The following CDKAL1 variants were observed in gnomAD, a reference collection of about 807,000 sequenced individuals.
The protein encoded by CDKAL1 is threonylcarbamoyladenosine tRNA methylthiotransferase.
In CDKAL1, 32 loss-of-function variants were observed where a neutral mutation model predicts 68.2. That is an observed-to-expected ratio of 0.47 (90% confidence interval 0.35 to 0.63). CDKAL1 has a LOEUF of 0.63. Among genes scored for constraint, CDKAL1 ranks in the 30% least tolerant of loss-of-function variants. The pLI, the probability that CDKAL1 is intolerant of heterozygous loss-of-function variation, is 0.00. For missense variants in CDKAL1, 606 were observed against 696.7 expected, an observed-to-expected ratio of 0.87 and a Z score of 1.47; for synonymous variants, 234 against 244.3, an observed-to-expected ratio of 0.96 and a Z score of 0.39.
At chr6:21,026,823 T>C (rs1768984866) in intron 11 of CDKAL1, among the ~76,000 whole-genome samples, 1 of 152,212 alleles carries the variant, frequency 6.6e-6, no homozygotes, top group African/African-American at 2.4e-5. Context: ...CTTTATCTGT[T>C]ATTGGACATG....
chr6:20,637,329 G>A (rs1317935714), intron 4 of CDKAL1, among the ~76,000 whole-genome samples: 3 of 152,054 alleles, frequency 2.0e-5, no homozygotes, highest in Admixed American at 6.6e-5. Context: ...CTGGGAGGCC[G>A]AGGCGGGAGG....
intron 5 of CDKAL1, among the ~76,000 whole-genome samples, chr6:20,724,138 A>G (rs571531064): frequency 7.2e-4 from 110 of 152,150 alleles, no homozygotes; most frequent in African/African-American, 2.4e-3. Context: ...GTGTTTCACC[A>G]TGTTGGCCAG....
At chr6:21,210,404 G>A (rs1226418185) in intron 15 of CDKAL1, among the ~76,000 whole-genome samples, 1 of 152,132 alleles carries the variant, frequency 6.6e-6, no homozygotes, top group African/African-American at 2.4e-5. Flanking sequence ...TACTAATGAA[G>A]GCTCCAGAGA....
At position 20,955,441 on chromosome 6, in the gene CDKAL1, G is replaced by T; in HGVS notation, c.765G>T (p.Leu255Phe). ...SFQEGVCEIW[L>F]TSEDTGAYGR... ...CAGAGGGTGTTTGTGAGATATGGTT[G>T]ACCAGTGAAGACACGGGGGCTTATG... The change falls in exon 10 of 16, where the codon TTG becomes TTT. Residue 255 changes from leucine (L) to phenylalanine (F), a missense_variant. Coordinates refer to ENST00000274695, the MANE Select transcript of CDKAL1 (RefSeq NM_017774.3). 6.2e-7 allele frequency: 1 copy of T among 1,614,116 alleles called. No individual in the cohort carries two copies. Among genetic ancestry groups the T allele is most frequent in the Non-Finnish European group, 8.5e-7 (1 of 1,179,992 alleles).
chr6:20,699,719 T>A (rs1331006889), intron 5 of CDKAL1, among the ~76,000 whole-genome samples: 6 of 152,170 alleles, frequency 3.9e-5, no homozygotes, highest in Non-Finnish European at 8.8e-5. Flanking sequence ...GAGCTCTCAA[T>A]CTCTGCATGG....
In CDKAL1 at chr6:20,942,953, CA is replaced by C. The variant is rs70990084; in HGVS notation, c.743-12450del. On this transcript the variant is annotated intron_variant, in intron 9 of 15. Transcript: ENST00000274695. ...CTGGTGACAGAGCAAGATTCTGTCT[CA>C]AAAAAAAAAAAAAAAGATTAAAAAT... Among the ~76,000 whole-genome samples the C allele has an allele frequency of 1.0e-3, 115 of 113,292 alleles. 1 individual carries two copies. Among genetic ancestry groups the C allele is most frequent in the South Asian group, 8.1e-3 (26 of 3,228 alleles). 74.3% of individuals were successfully genotyped at this position (113,292 alleles called of 152,430 possible).
At chr6:21,093,714 T>A (rs71535532) in intron 12 of CDKAL1, among the ~76,000 whole-genome samples, 6 of 117,630 alleles carry the variant, frequency 5.1e-5, no homozygotes, top group South Asian at 2.8e-4. Flanking sequence ...TTTTTTTTTT[T>A]TTTTTTTTTT....
At chr6:20,560,823 T>A (rs1764236677) in intron 4 of CDKAL1, among the ~76,000 whole-genome samples, 1 of 152,210 alleles carries the variant, frequency 6.6e-6, no homozygotes, top group African/African-American at 2.4e-5. Flanking sequence ...TTTGAGTTTC[T>A]AAGGACTTTT....
At chr6:20,610,040 G>C (rs1219143214) in intron 4 of CDKAL1, among the ~76,000 whole-genome samples, 2 of 152,028 alleles carry the variant, frequency 1.3e-5, no homozygotes, top group African/African-American at 4.8e-5. Context: ...TTGGTTTTCT[G>C]TTCCTGTGTC....
intron 9 of CDKAL1, among the ~76,000 whole-genome samples, chr6:20,913,369 G>A (rs905246954): frequency 2.0e-5 from 3 of 152,102 alleles, no homozygotes; most frequent in African/African-American, 7.2e-5. Context: ...GTAGGGTTGA[G>A]GGCTTCAGCT....
chr6:20,928,526 C>T (rs1022779330), intron 9 of CDKAL1, among the ~76,000 whole-genome samples: 3 of 151,938 alleles, frequency 2.0e-5, no homozygotes, highest in African/African-American at 7.3e-5. Context: ...TCTCTAATCC[C>T]AAAACCTTAA....
chr6:21,043,323 A>G (rs990170662), intron 11 of CDKAL1, among the ~76,000 whole-genome samples: 1 of 141,058 alleles, frequency 7.1e-6, no homozygotes, highest in East Asian at 2.0e-4. Context: ...CATCACATAT[A>G]TGTGTGTGTA....
intron 8 of CDKAL1, among the ~76,000 whole-genome samples, chr6:20,800,926 C>A (rs1032456348): frequency 1.3e-5 from 2 of 150,844 alleles, no homozygotes; most frequent in Admixed American, 6.6e-5. Context: ...CTCTTTCTTT[C>A]TTTTTTGGGG....
chr6:20,660,485 C>T (rs1457208123), intron 5 of CDKAL1, among the ~76,000 whole-genome samples: 1 of 152,172 alleles, frequency 6.6e-6, no homozygotes, highest in Non-Finnish European at 1.5e-5. Flanking sequence ...TTCTAACTTC[C>T]TAATTTCTAA....
intron 5 of CDKAL1, among the ~76,000 whole-genome samples, chr6:20,661,616 CTG>C (rs1769288951): frequency 1.3e-5 from 2 of 151,308 alleles, no homozygotes; most frequent in African/African-American, 4.9e-5. Context: ...CCAAATGAAA[CTG>C]TAAACTTACA....
rs566030054 is a variant in CDKAL1 at position 20,705,700 on chromosome 6, G to A, written c.372-33819G>A. Among the ~76,000 whole-genome samples the A allele has an allele frequency of 3.3e-5, 5 of 152,264 alleles. No homozygotes were observed. In the South Asian group the frequency reaches 1.0e-3, roughly 32 times the overall value. On this transcript the variant is annotated intron_variant, in intron 5 of 15. Coordinates refer to ENST00000274695, the MANE Select transcript of CDKAL1 (RefSeq NM_017774.3). ...TAGGGTATTCACTTCACAGGCAAAT[G>A]CAAAATGTATCAGGAAGCTGTATAC...
At position 20,708,839 on chromosome 6, in the gene CDKAL1, G is replaced by A. The variant is rs533391823; in HGVS notation, c.372-30680G>A. Among the ~76,000 whole-genome samples the A allele has an allele frequency of 5.0e-4, 76 of 151,810 alleles. 1 individual carries two copies. Among genetic ancestry groups the A allele is most frequent in the Middle Eastern group, 6.8e-3 (2 of 294 alleles). On this transcript the variant is annotated intron_variant, in intron 5 of 15. Transcript: ENST00000274695. ...TTTGTGTTTCAGCCTTTTTCTTCTT[G>A]TCCTTATGTTTTTTCTTTTTGACTT...
At chr6:21,136,573 TCATGCCTGAAAAAGGTCTGGGGGAC>T (rs989954848) in intron 13 of CDKAL1, among the ~76,000 whole-genome samples, 1 of 152,230 alleles carries the variant, frequency 6.6e-6, no homozygotes, top group Non-Finnish European at 1.5e-5. Context: ...AGTGCTAGCT[TCATGCCTGAAAAAGGTCTGGGGGAC>T]CATGACTCAT....
chr6:21,201,301 C>T, intron 15 of CDKAL1, 27 bp downstream of exon 15: 1 of 1,571,730 alleles, frequency 6.4e-7, no homozygotes, highest in Non-Finnish European at 8.7e-7. Flanking sequence ...CTCCTCTCTA[C>T]CCTGCTAGTA....
Sources: allele counts gnomAD v4.1 joint callset (sites outside exome capture counted in the v4.1 genomes callset), GRCh38; gene constraint gnomAD v4.1.1; transcripts MANE v1.5; gene names NCBI Gene and HGNC (gene_info 2026-07-23, HGNC 2026-07-21).